Variants in PAK1 observed in about 807,000 individuals in gnomAD.
PAK1 encodes the protein p21 (RAC1) activated kinase 1, also known as serine/threonine-protein kinase PAK 1.
A neutral mutation model predicts 67.4 loss-of-function variants in PAK1; 29 were observed. That is an observed-to-expected ratio of 0.43 (90% CI 0.32 to 0.59). The LOEUF (loss-of-function observed/expected upper bound fraction) is 0.59, where lower values mean the gene tolerates loss of function less well. PAK1 is among the 20% of genes least tolerant of loss of function. PAK1 has a pLI of 0.07. For synonymous variants in PAK1, 223 were observed against 237.4 expected (o/e 0.94, Z 0.56); for missense variants, 337 against 670.7 (o/e 0.50, Z 5.50).
intron 2 of PAK1, among the ~76,000 whole-genome samples, chr11:77,391,765 T>C (rs117328005): frequency 0.011 from 1,604 of 152,326 alleles, 9 homozygotes; most frequent in Non-Finnish European, 0.018. Context: ...ACTCTTCTAT[T>C]AACAGAAGTT....
intron 1 of PAK1, among the ~76,000 whole-genome samples, chr11:77,447,515 C>T (rs1431256062): frequency 2.0e-5 from 3 of 152,024 alleles, no homozygotes; most frequent in Non-Finnish European, 4.4e-5. Flanking sequence ...GTTATATCTG[C>T]TAACAAGATG....
Position 77,389,077 on chromosome 11 carries a change from T to C in PAK1, c.190+3254A>G, listed in dbSNP as rs1224666926. Among the ~76,000 whole-genome samples, 3 of 152,308 alleles carry C rather than the reference T, an allele frequency of 2.0e-5. No homozygotes were observed. The East Asian group carries it at 5.8e-4, about 29-fold the overall frequency. On this transcript the variant is annotated intron_variant, in intron 2 of 14. Coordinates refer to ENST00000356341, the MANE Select transcript of PAK1 (RefSeq NM_002576.5). ...CCCACCCCTCTTAGTAATCATCTCC[T>C]AGTTTTAATTGCCTCTCCCTCTCTG...
At chr11:77,470,983 T>C (rs755341494) in intron 1 of PAK1, among the ~76,000 whole-genome samples, 1 of 152,240 alleles carries the variant, frequency 6.6e-6, no homozygotes, top group African/African-American at 2.4e-5. Context: ...CATTGGACCA[T>C]GATTCCTATT....
At chr11:77,475,399 A>G (rs1379695926), upstream of PAK1, 1 of 152,234 alleles carries the variant, frequency 6.6e-6, no homozygotes, top group African/African-American at 2.4e-5. Flanking sequence ...GCCTTATAAA[A>G]GCACAAATCT....
intron 8 of PAK1, among the ~76,000 whole-genome samples, chr11:77,350,294 A>G (rs1360909077): frequency 6.6e-6 from 1 of 152,204 alleles, no homozygotes; most frequent in Admixed American, 6.5e-5. Context: ...CTCCCAGAAG[A>G]TCTGAGGGTA....
chr11:77,449,997 T>G (rs1425566900), intron 1 of PAK1, among the ~76,000 whole-genome samples: 1 of 152,172 alleles, frequency 6.6e-6, no homozygotes, highest in Non-Finnish European at 1.5e-5. Context: ...GGTCTGCCCT[T>G]TACTAGCTAA....
At chr11:77,334,436 C>A (rs73501406) in intron 13 of PAK1, among the ~76,000 whole-genome samples, 4,353 of 152,118 alleles carry the variant, frequency 0.029, 196 homozygotes, top group African/African-American at 0.098. Flanking sequence ...TGTAGATGAC[C>A]ACCTACCAGC....
chr11:77,326,164 TA>T (rs1240156715), intron 14 of PAK1, among the ~76,000 whole-genome samples: 1 of 152,208 alleles, frequency 6.6e-6, no homozygotes, highest in African/African-American at 2.4e-5. Flanking sequence ...ACTTGAAACA[TA>T]TATGTTAAAT....
At chr11:77,488,555 G>A in the PAK1 span, among the ~76,000 whole-genome samples, 2 of 152,086 alleles carry the variant, frequency 1.3e-5, no homozygotes, top group Non-Finnish European at 2.9e-5. Flanking sequence ...ATAATACAGA[G>A]AAGGAATTCA....
intron 9 of PAK1, among the ~76,000 whole-genome samples, chr11:77,348,941 T>A (rs1405640869): frequency 6.6e-6 from 1 of 152,022 alleles, no homozygotes; most frequent in Non-Finnish European, 1.5e-5. Flanking sequence ...CTGGCTAACA[T>A]GGTGAAACCT....
chr11:77,520,010 C>CT, the PAK1 span, among the ~76,000 whole-genome samples: 2 of 151,802 alleles, frequency 1.3e-5, no homozygotes, highest in Admixed American at 6.5e-5. Flanking sequence ...TGGCCCCCCC[C>CT]TCCGCCCGTG....
At chr11:77,371,135 T>C (rs1948377376) in intron 5 of PAK1, among the ~76,000 whole-genome samples, 1 of 152,248 alleles carries the variant, frequency 6.6e-6, no homozygotes, top group Non-Finnish European at 1.5e-5. Context: ...TGGTAACTAT[T>C]CATTTTATAA....
intron 1 of PAK1, among the ~76,000 whole-genome samples, chr11:77,397,904 T>C (rs921734765): frequency 2.0e-5 from 3 of 152,238 alleles, no homozygotes; most frequent in Non-Finnish European, 4.4e-5. Flanking sequence ...AGAGTAGGGA[T>C]AGAACCCTCT....
intron 1 of PAK1, among the ~76,000 whole-genome samples, chr11:77,461,273 C>A (rs561707309): frequency 6.6e-6 from 1 of 152,300 alleles, no homozygotes; most frequent in East Asian, 1.9e-4. Flanking sequence ...TATGTGTCAA[C>A]TTGGCTAGGC....
At chr11:77,457,168 T>C (rs551940701) in intron 1 of PAK1, among the ~76,000 whole-genome samples, 1 of 152,342 alleles carries the variant, frequency 6.6e-6, no homozygotes, top group Non-Finnish European at 1.5e-5. Context: ...GTTAGGTCAG[T>C]AGCAGAGATT....
At chr11:77,434,100 A>G (rs1026700566) in intron 1 of PAK1, among the ~76,000 whole-genome samples, 1 of 152,236 alleles carries the variant, frequency 6.6e-6, no homozygotes, top group Non-Finnish European at 1.5e-5. Flanking sequence ...AAAGTTAAAC[A>G]TAGAGTTAGC....
At chr11:77,459,547 A>G (rs1432852433) in intron 1 of PAK1, among the ~76,000 whole-genome samples, 1 of 152,228 alleles carries the variant, frequency 6.6e-6, no homozygotes, top group African/African-American at 2.4e-5. Flanking sequence ...ATGGTGACCA[A>G]AAGACATGAC....
At position 77,355,794 on chromosome 11, in the gene PAK1, C is replaced by T; in HGVS notation, c.646G>A (p.Asp216Asn). 1 of 1,613,618 alleles carries T rather than the reference C, an allele frequency of 6.2e-7. No homozygotes were observed. Among genetic ancestry groups the T allele is most frequent in the South Asian group, 1.1e-5 (1 of 91,064 alleles). ...IEPLPVTPTR[D>N]VATSPISPTE... The stretch of plus-strand genomic sequence containing the variant: ...GGTGAAATGGGAGATGTAGCCACGT[C>T]CCGAGTTGGAGTGACAGGAAGTGGT... Residue 216 changes from aspartate (D) to asparagine (N), a missense_variant, in exon 7 of 15, where the codon GAC becomes AAC. Asp to Asn is a conservative substitution (Grantham distance 23, BLOSUM62 1). Transcript: ENST00000356341.
At position 77,401,189 on chromosome 11, in the gene PAK1, C is replaced by G. The variant is rs138543624; in HGVS notation, c.-21-8648G>C. ...TGGGGAGTACTGTATGCCCTTGACGCCTGGTTATGAGAATCTGATCTTTAA... is the reference window on the plus strand; with the variant it reads ...TGGGGAGTACTGTATGCCCTTGACGGCTGGTTATGAGAATCTGATCTTTAA... On this transcript the variant is annotated intron_variant, in intron 1 of 14. Transcript: ENST00000356341. Among the ~76,000 whole-genome samples, 53 of 152,300 alleles carry G rather than the reference C, an allele frequency of 3.5e-4. No homozygotes were observed. In the East Asian group the frequency reaches 9.4e-3, roughly 27 times the overall value.
Sources: gnomAD v4.1 joint callset for allele counts (sites outside exome capture counted in the v4.1 genomes callset) on GRCh38, gnomAD v4.1.1 for gene constraint, MANE v1.5 for transcripts, NCBI Gene and HGNC (gene_info 2026-07-23, HGNC 2026-07-21) for gene names.